The following DPY19L3 variants were observed in gnomAD, a reference collection of about 807,000 sequenced individuals.
DPY19L3 encodes protein C-mannosyl-transferase DPY19L3.
A neutral mutation model predicts 92.3 loss-of-function variants in DPY19L3; 51 were observed. The ratio of observed to expected loss-of-function variants is 0.55; its 90% confidence interval spans 0.44 to 0.70. The LOEUF is 0.70. DPY19L3 is among the 30% of genes least tolerant of loss of function. The probability of loss-of-function intolerance (pLI) is 0.00; values close to 1 mark genes in which losing one functional copy is unlikely to be tolerated. For synonymous variants in DPY19L3, 309 were observed against 315.2 expected, an observed-to-expected ratio of 0.98 and a Z score of 0.21; for missense variants, 706 against 855.9, an observed-to-expected ratio of 0.82 and a Z score of 2.18.
chr19:32,424,619 G>A (rs1968695204), intron 3 of DPY19L3, among the ~76,000 whole-genome samples: 1 of 152,132 alleles, frequency 6.6e-6, no homozygotes, highest in Non-Finnish European at 1.5e-5. Context: ...AACAGAGCAA[G>A]AACCTGTCTC....
intron 8 of DPY19L3, among the ~76,000 whole-genome samples, chr19:32,452,722 C>T (rs1342167119): frequency 1.3e-5 from 2 of 152,122 alleles, no homozygotes; most frequent in East Asian, 3.9e-4. Flanking sequence ...TTTTTGGAGT[C>T]TCACTCTGTC....
At chr19:32,477,453 T>TA in intron 16 of DPY19L3, 69 bp from the exon 17 acceptor site, 2 of 1,583,092 alleles carry the variant, frequency 1.3e-6, no homozygotes, top group Middle Eastern at 1.7e-4. Flanking sequence ...AAAAGTTTGA[T>TA]ATTGTCTTCT....
intron 3 of DPY19L3, among the ~76,000 whole-genome samples, chr19:32,428,232 A>G (rs1599608546): frequency 6.6e-6 from 1 of 152,152 alleles, no homozygotes. Context: ...TCGGCTTCCC[A>G]AAGTGTTGGG....
chr19:32,439,564 G>GTGGAATACACACACCGTATGTGAATA (rs1393875327), intron 7 of DPY19L3, among the ~76,000 whole-genome samples: 2 of 152,134 alleles, frequency 1.3e-5, no homozygotes, highest in Non-Finnish European at 2.9e-5. Flanking sequence ...CCATAATAGT[G>GTGGAATACACACACCGTATGTGAATA]TGGAATACAC....
chr19:32,460,728 G>A (rs894042592), intron 12 of DPY19L3, among the ~76,000 whole-genome samples: 3 of 152,200 alleles, frequency 2.0e-5, no homozygotes, highest in Non-Finnish European at 2.9e-5. Context: ...TGGCCAAAAT[G>A]TTATGTGGCA....
At chr19:32,459,361 T>G (rs1969968842) in intron 12 of DPY19L3, among the ~76,000 whole-genome samples, 1 of 152,186 alleles carries the variant, frequency 6.6e-6, no homozygotes, top group African/African-American at 2.4e-5. Context: ...TTTTCTGTAG[T>G]TACCTTGCCA....
intron 12 of DPY19L3, among the ~76,000 whole-genome samples, chr19:32,460,967 G>A (rs957071163): frequency 2.6e-5 from 4 of 152,146 alleles, no homozygotes; most frequent in African/African-American, 9.7e-5. Flanking sequence ...CCGGGTTCAG[G>A]CAATTCTCCT....
intron 2 of DPY19L3, among the ~76,000 whole-genome samples, chr19:32,411,014 C>T (rs542032664): frequency 2.0e-4 from 30 of 152,236 alleles, no homozygotes; most frequent in African/African-American, 7.0e-4. Flanking sequence ...AAGAAGCTCA[C>T]GTTGTAGTTG....
At chr19:32,452,010 A>G (rs73036017) in intron 8 of DPY19L3, among the ~76,000 whole-genome samples, 9,431 of 151,932 alleles carry the variant, frequency 0.062, 432 homozygotes, top group Non-Finnish European at 0.091. Context: ...TTTTATTTTT[A>G]TAGAGACACG....
chr19:32,417,988 T>C (rs1968434166), intron 3 of DPY19L3, among the ~76,000 whole-genome samples: 1 of 152,172 alleles, frequency 6.6e-6, no homozygotes, highest in South Asian at 2.1e-4. Context: ...CTTACGGGGC[T>C]GAAGGCAGGA....
rs555771938 is a variant in DPY19L3 at position 32,430,114 on chromosome 19, C to T, written c.238-2602C>T. Among the ~76,000 whole-genome samples the T allele has an allele frequency of 5.6e-4, 86 of 152,260 alleles. 1 individual carries two copies. Among genetic ancestry groups the T allele is most frequent in the African/African-American group, 2.0e-3 (84 of 41,558 alleles). On this transcript the variant is annotated intron_variant, in intron 3 of 18. Coordinates refer to ENST00000392250, the MANE Select transcript of DPY19L3 (RefSeq NM_001172774.2). ...ATTGAAATTAAATTTTAGGCCCAGG[C>T]ACTGTGGCTTCTGTCTGTAATCCCA...
chr19:32,477,869 G>A (rs904887780), intron 17 of DPY19L3, among the ~76,000 whole-genome samples: 1 of 152,200 alleles, frequency 6.6e-6, no homozygotes, highest in Admixed American at 6.5e-5. Flanking sequence ...CCACATGGCT[G>A]GGGAGGCCTC....
intron 2 of DPY19L3, among the ~76,000 whole-genome samples, chr19:32,410,953 C>G (rs1378491843): frequency 6.6e-6 from 1 of 152,088 alleles, no homozygotes; most frequent in South Asian, 2.1e-4. Flanking sequence ...TAAACTGTGC[C>G]GGACAGAGGC....
intron 3 of DPY19L3, among the ~76,000 whole-genome samples, chr19:32,415,811 G>GA (rs928630983): frequency 3.3e-5 from 5 of 152,144 alleles, no homozygotes; most frequent in Non-Finnish European, 7.4e-5. Flanking sequence ...TAATTATGAT[G>GA]AAAAGGGGAA....
intron 2 of DPY19L3, among the ~76,000 whole-genome samples, chr19:32,410,791 A>G (rs1968152093): frequency 6.6e-6 from 1 of 152,136 alleles, no homozygotes; most frequent in South Asian, 2.1e-4. Context: ...TCAAAAAACA[A>G]TAATTATTTT....
intron 4 of DPY19L3, among the ~76,000 whole-genome samples, chr19:32,436,014 G>C (rs370029751): frequency 1.3e-5 from 2 of 152,366 alleles, no homozygotes; most frequent in African/African-American, 4.8e-5. Flanking sequence ...CCTCTGCTCA[G>C]CTATGGCTTA....
intron 10 of DPY19L3, among the ~76,000 whole-genome samples, chr19:32,456,747 GAGT>G (rs2145573896): frequency 1.3e-5 from 2 of 152,080 alleles, no homozygotes; most frequent in African/African-American, 4.8e-5. Context: ...AGCTTTTTTT[GAGT>G]TGATGAATAC....
chr19:32,471,662 A>T (rs1970361867), intron 16 of DPY19L3, among the ~76,000 whole-genome samples: 1 of 152,198 alleles, frequency 6.6e-6, no homozygotes, highest in Non-Finnish European at 1.5e-5. Context: ...TCCTGGACAC[A>T]GGGCTTCCGC....
At chr19:32,455,827 A>G (rs1969845336) in intron 10 of DPY19L3, among the ~76,000 whole-genome samples, 1 of 151,944 alleles carries the variant, frequency 6.6e-6, no homozygotes, top group South Asian at 2.1e-4. Flanking sequence ...TGGCGTTTTA[A>G]TTTTTTTTCA....
Sources: gnomAD v4.1 joint callset for allele counts (sites outside exome capture counted in the v4.1 genomes callset) on GRCh38, gnomAD v4.1.1 for gene constraint, MANE v1.5 for transcripts, NCBI Gene and HGNC (gene_info 2026-07-23, HGNC 2026-07-21) for gene names.